Variants in NRG3 observed in about 807,000 individuals in gnomAD.
NRG3 encodes neuregulin 3.
NRG3 carries 31 observed loss-of-function variants against 66.9 expected under a neutral mutation model. That is an observed-to-expected ratio of 0.46 (90% CI 0.35 to 0.63). The LOEUF (loss-of-function observed/expected upper bound fraction) is 0.63. NRG3 is among the 20% of genes least tolerant of loss of function. NRG3 has a pLI of 0.00. For missense variants in NRG3, 910 were observed against 878.9 expected, an observed-to-expected ratio of 1.04 and a Z score of -0.45; for synonymous variants, 393 against 359.4, an observed-to-expected ratio of 1.09 and a Z score of -1.06.
At chr10:82,979,397 A>G (rs541512350) in intron 8 of NRG3, among the ~76,000 whole-genome samples, 34 of 152,328 alleles carry the variant, frequency 2.2e-4, no homozygotes, top group African/African-American at 8.2e-4. Context: ...ATTTGCTAAT[A>G]CAACTGGAAA....
intron 2 of NRG3, among the ~76,000 whole-genome samples, chr10:82,373,774 C>T (rs929372125): frequency 1.3e-5 from 2 of 152,120 alleles, no homozygotes; most frequent in Non-Finnish European, 2.9e-5. Flanking sequence ...ACATGGAAGC[C>T]TTATTTTCTT....
chr10:82,292,777 G>A (rs6584626), intron 1 of NRG3, among the ~76,000 whole-genome samples: 22,623 of 152,082 alleles, frequency 0.15, 3,838 homozygotes, highest in African/African-American at 0.41. Context: ...TTTATATAAC[G>A]TTCTTGAAAT....
At chr10:82,946,067 T>C (rs1848989169) in intron 4 of NRG3, among the ~76,000 whole-genome samples, 2 of 151,978 alleles carry the variant, frequency 1.3e-5, no homozygotes, top group African/African-American at 4.8e-5. Flanking sequence ...ATGTGGGAAT[T>C]GCTGCACTAG....
chr10:82,681,962 G>C (rs1005346733), intron 2 of NRG3, among the ~76,000 whole-genome samples: 2 of 152,148 alleles, frequency 1.3e-5, no homozygotes, highest in Non-Finnish European at 2.9e-5. Flanking sequence ...GGCTATGGTG[G>C]GCGTAAGCTC....
intron 2 of NRG3, among the ~76,000 whole-genome samples, chr10:82,662,764 A>C (rs1185511301): frequency 6.6e-6 from 1 of 152,172 alleles, no homozygotes; most frequent in East Asian, 1.9e-4. Flanking sequence ...GTAGAAGTAC[A>C]TCTCTCCCTC....
intron 1 of NRG3, among the ~76,000 whole-genome samples, chr10:81,982,491 C>T (rs1589680359): frequency 1.3e-5 from 2 of 152,138 alleles, no homozygotes; most frequent in African/African-American, 4.8e-5. Flanking sequence ...ATCGTGGTAC[C>T]AAAATCTGTA....
intron 1 of NRG3, among the ~76,000 whole-genome samples, chr10:82,349,453 C>T (rs1357789386): frequency 9.9e-5 from 15 of 150,912 alleles, no homozygotes; most frequent in Non-Finnish European, 2.1e-4. Flanking sequence ...CTGGGAGAAC[C>T]ACTGCTCTCT....
At chr10:82,689,981 GA>G (rs1686614740) in intron 2 of NRG3, among the ~76,000 whole-genome samples, 1 of 152,172 alleles carries the variant, frequency 6.6e-6, no homozygotes, top group South Asian at 2.1e-4. Flanking sequence ...TGAATTTCTT[GA>G]AACTATTTTA....
At chr10:82,199,972 A>G (rs760764156) in intron 1 of NRG3, among the ~76,000 whole-genome samples, 11 of 151,574 alleles carry the variant, frequency 7.3e-5, no homozygotes, top group Non-Finnish European at 1.6e-4. Context: ...TTAGGACATC[A>G]CTGTGGAGAT....
At chr10:82,166,647 C>CAT (rs1181133510) in intron 1 of NRG3, 1 of 395,700 alleles carries the variant, frequency 2.5e-6, no homozygotes, top group Non-Finnish European at 4.4e-6. Context: ...TATATACACA[C>CAT]ATATATATGT....
chr10:82,763,701 C>T (rs2059410874), intron 3 of NRG3, among the ~76,000 whole-genome samples: 1 of 151,822 alleles, frequency 6.6e-6, no homozygotes, highest in Non-Finnish European at 1.5e-5. Flanking sequence ...AATCTTCATA[C>T]AAAAATCATT....
intron 2 of NRG3, among the ~76,000 whole-genome samples, chr10:82,448,803 T>C (rs1052184395): frequency 1.3e-5 from 2 of 152,208 alleles, no homozygotes; most frequent in African/African-American, 4.8e-5. Context: ...CATGCATACA[T>C]AATTGTCTAT....
intron 4 of NRG3, among the ~76,000 whole-genome samples, chr10:82,912,172 A>G (rs552140075): frequency 2.0e-5 from 3 of 152,308 alleles, no homozygotes; most frequent in Admixed American, 6.5e-5. Context: ...ATAAATGTCA[A>G]TTAGATCCAG....
At chr10:82,595,326 C>T (rs949022007) in intron 2 of NRG3, among the ~76,000 whole-genome samples, 6 of 152,142 alleles carry the variant, frequency 3.9e-5, no homozygotes, top group Non-Finnish European at 7.3e-5. Context: ...CAAGCTACTA[C>T]GACATGTTTA....
At chr10:82,864,029 G>C (rs1398236444) in intron 3 of NRG3, among the ~76,000 whole-genome samples, 2 of 152,180 alleles carry the variant, frequency 1.3e-5, no homozygotes, top group East Asian at 3.9e-4. Flanking sequence ...GTAATTAAAT[G>C]TGAACGGTTC....
chr10:82,688,697 T>G (rs1231543074), intron 2 of NRG3, among the ~76,000 whole-genome samples: 1 of 152,106 alleles, frequency 6.6e-6, no homozygotes, highest in Non-Finnish European at 1.5e-5. Context: ...TAGAATTTTA[T>G]TAGGTAGCAG....
chr10:82,239,572 C>G (rs1485436941), intron 1 of NRG3, among the ~76,000 whole-genome samples: 2 of 152,172 alleles, frequency 1.3e-5, no homozygotes, highest in African/African-American at 2.4e-5. Context: ...ACTAATTAAG[C>G]ATCTCTTTGT....
intron 6 of NRG3, among the ~76,000 whole-genome samples, chr10:82,967,397 T>G (rs951500457): frequency 6.6e-6 from 1 of 152,126 alleles, no homozygotes; most frequent in Non-Finnish European, 1.5e-5. Flanking sequence ...TTTATAAATT[T>G]CCACTCCAAC....
intron 1 of NRG3, among the ~76,000 whole-genome samples, chr10:82,151,183 A>G (rs554000054): frequency 8.5e-5 from 13 of 152,150 alleles, no homozygotes; most frequent in Non-Finnish European, 1.3e-4. Flanking sequence ...AGGAAGCTGG[A>G]CTCACACAGA....
Sources: allele counts gnomAD v4.1 joint callset (sites outside exome capture counted in the v4.1 genomes callset), GRCh38; gene constraint gnomAD v4.1.1; transcripts MANE v1.5; gene names NCBI Gene and HGNC (gene_info 2026-07-23, HGNC 2026-07-21).